The following BLOC1S5 variants were observed in gnomAD, a reference collection of about 807,000 sequenced individuals.
The protein encoded by BLOC1S5 is biogenesis of lysosome-related organelles complex 1 subunit 5.
In BLOC1S5, 27 loss-of-function variants were observed where a neutral mutation model predicts 24.3. The observed-to-expected ratio is 1.11, with a 90% CI of 0.82 to 1.53. The LOEUF is 1.53. Ranked by LOEUF, BLOC1S5 falls within the 40% of genes most tolerant of loss-of-function variation. The pLI, the probability that BLOC1S5 is intolerant of heterozygous loss-of-function variation, is 0.00. For missense variants in BLOC1S5, 239 were observed against 229.4 expected (o/e 1.04, Z -0.27); for synonymous variants, 84 against 74.5 (o/e 1.13, Z -0.66).
rs1561862893 is a variant in BLOC1S5, at chr6:8,039,007, C to CT, written c.325+2131_325+2132insA. 4.6e-5 allele frequency among the ~76,000 whole-genome samples: 7 copies of CT among 152,212 alleles called. No individual in the cohort carries two copies. In the East Asian group the frequency reaches 1.4e-3, roughly 29 times the overall value. On this transcript the variant is annotated intron_variant, in intron 3 of 4. Transcript: ENST00000397457. ...AAAAGGAGAGAGACATCTGCACTTA[C>CT]GTGTTTATTGAAGCACTAGCCAAAA... is the stretch of plus-strand genomic sequence containing the variant.
intron 3 of BLOC1S5, among the ~76,000 whole-genome samples, chr6:8,028,410 GCATATTAA>G (rs1763180793): frequency 6.6e-6 from 1 of 150,708 alleles, no homozygotes; most frequent in Admixed American, 6.6e-5. Flanking sequence ...TCTTTCTGTG[GCATATTAA>G]CATGACATCA....
intron 3 of BLOC1S5, among the ~76,000 whole-genome samples, chr6:8,039,026 G>C (rs1170274555): frequency 6.6e-6 from 1 of 152,178 alleles, no homozygotes; most frequent in Non-Finnish European, 1.5e-5. Flanking sequence ...TGAAGCACTA[G>C]CCAAAATATG....
At chr6:8,045,527 C>G (rs1763852350) in intron 2 of BLOC1S5, among the ~76,000 whole-genome samples, 1 of 152,164 alleles carries the variant, frequency 6.6e-6, no homozygotes, top group Non-Finnish European at 1.5e-5. Flanking sequence ...CGACAGCTTG[C>G]ACCATGCACC....
chr6:8,039,566 A>T (rs1005065975), intron 3 of BLOC1S5, among the ~76,000 whole-genome samples: 1 of 152,212 alleles, frequency 6.6e-6, no homozygotes, highest in Non-Finnish European at 1.5e-5. Flanking sequence ...CAAAATACGT[A>T]CATTATACAA....
intron 4 of BLOC1S5, among the ~76,000 whole-genome samples, chr6:8,022,299 C>T (rs573167784): frequency 2.7e-4 from 40 of 150,202 alleles, no homozygotes; most frequent in African/African-American, 9.3e-4. Context: ...CAGGACAGCA[C>T]CCACAATAAG....
At chr6:8,042,090 T>A (rs1763714973) in intron 2 of BLOC1S5, among the ~76,000 whole-genome samples, 1 of 152,198 alleles carries the variant, frequency 6.6e-6, no homozygotes, top group South Asian at 2.1e-4. Flanking sequence ...AATTATGAAA[T>A]GCTCCAAAAG....
At chr6:8,061,288 CTT>C (rs1346021758) in intron 2 of BLOC1S5, among the ~76,000 whole-genome samples, 1 of 151,990 alleles carries the variant, frequency 6.6e-6, no homozygotes, top group Non-Finnish European at 1.5e-5. Flanking sequence ...ATAAAAAAGA[CTT>C]AAAAATTTTT....
intron 4 of BLOC1S5, among the ~76,000 whole-genome samples, chr6:8,024,540 T>C (rs6910308): frequency 0.05 from 5,364 of 106,982 alleles, 335 homozygotes; most frequent in African/African-American, 0.16. Flanking sequence ...AAAAAAGAAA[T>C]GTACTTCATA....
chr6:8,021,337 G>A (rs906730676), intron 4 of BLOC1S5, among the ~76,000 whole-genome samples: 4 of 152,182 alleles, frequency 2.6e-5, no homozygotes, highest in Non-Finnish European at 5.9e-5. Context: ...GGTGGCTCAC[G>A]CCTGTAATTC....
At chr6:8,062,117 C>A (rs956438014) in intron 2 of BLOC1S5, among the ~76,000 whole-genome samples, 1 of 152,058 alleles carries the variant, frequency 6.6e-6, no homozygotes, top group African/African-American at 2.4e-5. Context: ...GAATGTGGAA[C>A]CTGTAAGAAA....
At chr6:8,039,952 G>A (rs1426151986) in intron 3 of BLOC1S5, among the ~76,000 whole-genome samples, 1 of 152,182 alleles carries the variant, frequency 6.6e-6, no homozygotes, top group Non-Finnish European at 1.5e-5. Flanking sequence ...AAGCAGTTGC[G>A]GAACCAAGCC....
chr6:8,034,673 C>T (rs11243224), intron 3 of BLOC1S5, among the ~76,000 whole-genome samples: 23,869 of 151,910 alleles, frequency 0.16, 1,950 homozygotes, highest in Admixed American at 0.19. Context: ...GAAAGGGGAA[C>T]GCTTTTACAC....
At chr6:8,030,957 A>C (rs1763276369) in intron 3 of BLOC1S5, among the ~76,000 whole-genome samples, 1 of 151,956 alleles carries the variant, frequency 6.6e-6, no homozygotes, top group Admixed American at 6.6e-5. Flanking sequence ...CCTCAGCAAA[A>C]CCGGTATAGA....
At chr6:8,043,151 C>T (rs1002483793) in intron 2 of BLOC1S5, among the ~76,000 whole-genome samples, 33 of 152,216 alleles carry the variant, frequency 2.2e-4, no homozygotes, top group African/African-American at 7.0e-4. Flanking sequence ...TTAGGAACCC[C>T]GAAAACATCT....
In BLOC1S5 at chr6:8,064,380, G is replaced by T. The variant is rs751710750; in HGVS notation, c.-4C>A. 8 of 1,606,674 alleles carry T rather than the reference G, an allele frequency of 5.0e-6. No individual in the cohort carries two copies. The highest frequency in any genetic ancestry group is 5.9e-6 in the Non-Finnish European group (7 of 1,178,358). ...TCTCTGTCCCTCCGCCACTCATCCCGACCAGTTCCGCCCACCCGCGGCCAC... is the reference window on the plus strand; with the variant it reads ...TCTCTGTCCCTCCGCCACTCATCCCTACCAGTTCCGCCCACCCGCGGCCAC... On this transcript the variant is annotated 5_prime_UTR_variant, in exon 1 of 5. Coordinates refer to ENST00000397457, the MANE Select transcript of BLOC1S5 (RefSeq NM_201280.3).
At chr6:8,020,542 T>G (rs1561854027) in intron 4 of BLOC1S5, among the ~76,000 whole-genome samples, 3 of 152,008 alleles carry the variant, frequency 2.0e-5, no homozygotes, top group Admixed American at 1.3e-4. Context: ...CCCAGCTGAG[T>G]TTCTCTGGAA....
intron 4 of BLOC1S5, among the ~76,000 whole-genome samples, chr6:8,022,473 T>G (rs1762945064): frequency 6.6e-6 from 1 of 151,964 alleles, no homozygotes; most frequent in Non-Finnish European, 1.5e-5. Flanking sequence ...TAGGAAAAAC[T>G]ATTTCCTTTG....
chr6:8,058,752 T>C (rs917049984), intron 2 of BLOC1S5, among the ~76,000 whole-genome samples: 29 of 152,244 alleles, frequency 1.9e-4, no homozygotes, highest in African/African-American at 5.8e-4. Flanking sequence ...CCTAGGGGGA[T>C]AGAAGGTAAA....
At chr6:8,033,876 A>C (rs1378889054) in intron 3 of BLOC1S5, among the ~76,000 whole-genome samples, 1 of 152,238 alleles carries the variant, frequency 6.6e-6, no homozygotes. Context: ...ACACATGAAA[A>C]AATGCTCATC....
Sources: gnomAD v4.1 joint callset for allele counts (sites outside exome capture counted in the v4.1 genomes callset) on GRCh38, gnomAD v4.1.1 for gene constraint, MANE v1.5 for transcripts, NCBI Gene and HGNC (gene_info 2026-07-23, HGNC 2026-07-21) for gene names.